Variants in RNF6 observed in about 807,000 individuals in gnomAD.
The protein encoded by RNF6 is ring finger protein 6.
In RNF6, 21 loss-of-function variants were observed where a neutral mutation model predicts 50.1. The observed-to-expected ratio is 0.42, with a 90% CI of 0.30 to 0.60. RNF6 has a LOEUF of 0.60. Ranked by LOEUF, RNF6 falls within the 20% of genes least tolerant of loss-of-function variation. The pLI is 0.20. For synonymous variants in RNF6, 255 were observed against 291.8 expected (o/e 0.87, Z 1.29); for missense variants, 698 against 838.2 (o/e 0.83, Z 2.07).
intron 5 of RNF6, among the ~76,000 whole-genome samples, chr13:26,190,358 T>G (rs932467588): frequency 6.6e-6 from 1 of 152,218 alleles, no homozygotes; most frequent in Non-Finnish European, 1.5e-5. Context: ...ATTCTAGATA[T>G]TAGGATGTAA....
At chr13:26,135,362 T>TATA (rs1036023756) in intron 5 of RNF6, among the ~76,000 whole-genome samples, 3 of 151,996 alleles carry the variant, frequency 2.0e-5, no homozygotes, top group South Asian at 2.1e-4. Flanking sequence ...GGCTTCCCTT[T>TATA]ATAATAATAA....
chr13:26,186,337 G>C (rs981174323), intron 5 of RNF6, among the ~76,000 whole-genome samples: 2 of 152,358 alleles, frequency 1.3e-5, no homozygotes, highest in Admixed American at 6.5e-5. Flanking sequence ...AACCCAGACC[G>C]GGAGGCCAGT....
intron 2 of RNF6, among the ~76,000 whole-genome samples, chr13:26,220,667 G>A (rs1233413838): frequency 1.3e-5 from 2 of 152,118 alleles, no homozygotes; most frequent in African/African-American, 4.8e-5. Flanking sequence ...CTGCTGTTAA[G>A]AGCTAATTTG....
intron 5 of RNF6, among the ~76,000 whole-genome samples, chr13:26,187,159 G>A (rs1304974810): frequency 2.2e-5 from 1 of 46,034 alleles, no homozygotes; most frequent in African/African-American, 4.5e-5. Flanking sequence ...TGCCATCAGT[G>A]GGGCCACAGG....
chr13:26,148,630 C>CTT (rs200551709), intron 5 of RNF6, among the ~76,000 whole-genome samples: 15 of 10,546 alleles, frequency 1.4e-3, no homozygotes, highest in African/African-American at 4.5e-3. Flanking sequence ...GTATAAATCT[C>CTT]TTTATATATA....
chr13:26,143,205 G>A (rs988926594), intron 5 of RNF6, among the ~76,000 whole-genome samples: 2 of 152,140 alleles, frequency 1.3e-5, no homozygotes, highest in African/African-American at 4.8e-5. Flanking sequence ...TTAGGGTTTT[G>A]TACTTTCTCA....
chr13:26,216,688 C>T (rs1215311095), intron 4 of RNF6, among the ~76,000 whole-genome samples: 1 of 152,178 alleles, frequency 6.6e-6, no homozygotes, highest in East Asian at 1.9e-4. Context: ...GGCGCGGTGG[C>T]TCACACCTGT....
chr13:26,175,196 T>TC (rs1872894336), intron 5 of RNF6, among the ~76,000 whole-genome samples: 1 of 152,146 alleles, frequency 6.6e-6, no homozygotes, highest in South Asian at 2.1e-4. Context: ...TTCTCTTGCC[T>TC]CAGCCCCCCG....
intron 5 of RNF6, among the ~76,000 whole-genome samples, chr13:26,179,237 A>G (rs764665866): frequency 1.3e-5 from 2 of 152,208 alleles, no homozygotes; most frequent in Non-Finnish European, 2.9e-5. Flanking sequence ...TACAATTTGC[A>G]TTCTTAGATC....
At chr13:26,189,910 A>G (rs1868392643) in intron 5 of RNF6, among the ~76,000 whole-genome samples, 2 of 152,220 alleles carry the variant, frequency 1.3e-5, no homozygotes, top group African/African-American at 4.8e-5. Flanking sequence ...AGATCTGGAA[A>G]ATATGGAAAA....
downstream of RNF6, among the ~76,000 whole-genome samples, chr13:26,210,346 G>C (rs1320189582): frequency 1.3e-5 from 2 of 152,188 alleles, no homozygotes; most frequent in African/African-American, 4.8e-5. Flanking sequence ...GATGCAGGAA[G>C]ATTAAAAGTT....
chr13:26,153,765 C>T (rs1326875823), intron 5 of RNF6, among the ~76,000 whole-genome samples: 2 of 151,612 alleles, frequency 1.3e-5, no homozygotes, highest in Non-Finnish European at 1.5e-5. Context: ...GTAAAATTAT[C>T]CTATTTTGGA....
Position 26,219,555 on chromosome 13 carries a change from T to C in RNF6, c.95A>G (p.Glu32Gly), listed in dbSNP as rs373646819. Residue 32 changes from glutamate to glycine, a missense_variant, in exon 3 of 5, where the codon GAG becomes GGG. Glu to Gly is a moderately conservative substitution (Grantham distance 98, BLOSUM62 -2). Transcript: ENST00000381588. The stretch of plus-strand genomic sequence containing the variant: ...ATAGGCCTCTTCTCTGTGGAGACGC[T>C]CTTGCTGCCATCTTCTCTCATTTTC... Reference protein sequence around the residue: ...HHENERRWQQERLHREEAYYQ... With the variant: ...HHENERRWQQGRLHREEAYYQ... 83 of 1,613,932 alleles carry C rather than the reference T, an allele frequency of 5.1e-5. No individual in the cohort carries two copies. Among genetic ancestry groups the C allele is most frequent in the Non-Finnish European group, 6.3e-5 (74 of 1,179,950 alleles).
At chr13:26,152,216 C>T (rs114965935) in intron 5 of RNF6, among the ~76,000 whole-genome samples, 22 of 152,288 alleles carry the variant, frequency 1.4e-4, no homozygotes, top group African/African-American at 5.1e-4. Context: ...CAACACGTTT[C>T]ACAATTCAAA....
chr13:26,135,841 G>A (rs570228263), intron 5 of RNF6, among the ~76,000 whole-genome samples: 12 of 152,098 alleles, frequency 7.9e-5, no homozygotes, highest in South Asian at 2.1e-4. Flanking sequence ...CTATAATTTC[G>A]TTGCAAGATC....
At chr13:26,134,392 A>G (rs148797491) in intron 5 of RNF6, among the ~76,000 whole-genome samples, 2 of 152,178 alleles carry the variant, frequency 1.3e-5, no homozygotes, top group African/African-American at 4.8e-5. Flanking sequence ...CATTTTTACT[A>G]TGGTGTCAAC....
rs375703892 is a variant in RNF6, at chr13:26,214,851, C to T, written c.1031G>A (p.Arg344Lys). ...QQTTRRSVRR[R>K]GRTRVFLEQD... is the part of the protein sequence containing the mutation. ...CTCTAAAAAGACTCGAGTTCTACCT[C>T]TCCTCCTAACAGATCTTCTAGTGGT... Residue 344 changes from arginine to lysine, a missense_variant, in exon 5 of 5, where the codon AGA becomes AAA. Transcript: ENST00000381588. 1 of 1,614,250 alleles carries T rather than the reference C, an allele frequency of 6.2e-7. No homozygotes were observed. The highest frequency in any genetic ancestry group is 8.5e-7 in the Non-Finnish European group (1 of 1,180,046).
At chr13:26,145,320 C>T (rs1871167199) in intron 5 of RNF6, among the ~76,000 whole-genome samples, 2 of 152,114 alleles carry the variant, frequency 1.3e-5, no homozygotes, top group Admixed American at 1.3e-4. Flanking sequence ...GTGGGAATCA[C>T]CACTTCTGCA....
Position 26,154,944 on chromosome 13 carries a change from C to T in RNF6, n.769-22493G>A, listed in dbSNP as rs534132533. The stretch of plus-strand genomic sequence containing the variant: ...ACTCAGGAGGCTGAGGCAGGAGAAT[C>T]GCTTGAACCCAGGAGGCAGAAGTTG... On this transcript the variant is annotated intron_variant and non_coding_transcript_variant, in intron 5 of 5. Transcript: ENST00000468480. 5.3e-5 allele frequency among the ~76,000 whole-genome samples: 8 copies of T among 151,966 alleles called. No individual in the cohort carries two copies. In the East Asian group the frequency reaches 9.7e-4, roughly 18 times the overall value.
Sources: allele counts gnomAD v4.1 joint callset (sites outside exome capture counted in the v4.1 genomes callset), GRCh38; gene constraint gnomAD v4.1.1; transcripts MANE v1.5; gene names NCBI Gene and HGNC (gene_info 2026-07-23, HGNC 2026-07-21).